The following ODAD1 variants were observed in gnomAD, a reference collection of about 807,000 sequenced individuals.
ODAD1 encodes outer dynein arm docking complex subunit 1, also known as outer dynein arm-docking complex subunit 1.
A neutral mutation model predicts 67.2 loss-of-function variants in ODAD1; 49 were observed. The observed-to-expected ratio is 0.73, with a 90% CI of 0.58 to 0.92. The LOEUF (loss-of-function observed/expected upper bound fraction) is 0.92. Among genes scored for constraint, ODAD1 ranks in the 40% least tolerant of loss-of-function variants. The pLI is 0.00. For missense variants in ODAD1, 897 were observed against 953.7 expected (o/e 0.94, Z 0.78); for synonymous variants, 345 against 393.7 (o/e 0.88, Z 1.46).
At chr19:48,320,024 G>C in intron 3 of ODAD1, 1 of 1,052,584 alleles carries the variant, frequency 9.5e-7, no homozygotes, top group Non-Finnish European at 1.2e-6. Flanking sequence ...CATCTCTGTA[G>C]AAACACCCTT....
chr19:48,317,884 A>G (rs1968940399), intron 5 of ODAD1, among the ~76,000 whole-genome samples: 1 of 152,040 alleles, frequency 6.6e-6, no homozygotes, highest in South Asian at 2.1e-4. Context: ...CATCTTGGCT[A>G]ACACAGTAAA....
At chr19:48,301,749 A>G (rs1968468143) in intron 12 of ODAD1, among the ~76,000 whole-genome samples, 1 of 148,882 alleles carries the variant, frequency 6.7e-6, no homozygotes, top group South Asian at 2.2e-4. Context: ...ATGGATGGAC[A>G]TGGGACAGTT....
rs1969001032 is a variant in ODAD1 at position 48,320,332 on chromosome 19, C to T, written c.37G>A (p.Glu13Lys). 1 of 1,289,162 alleles carries T rather than the reference C, an allele frequency of 7.8e-7. No individual in the cohort carries two copies. The highest frequency in any genetic ancestry group is 2.3e-5 in the Admixed American group (1 of 43,526). 79.9% of individuals were successfully genotyped at this position (1,289,162 alleles called of 1,614,324 possible). The change falls in exon 3 of 16, where the codon GAG becomes AAG. Residue 13 changes from glutamate to lysine, a missense_variant. Glu to Lys is a moderately conservative substitution (Grantham distance 56). Coordinates refer to ENST00000674294, the MANE Select transcript of ODAD1 (RefSeq NM_001364171.2). ...TCCAGAAATGCCTCGCTTCCCTCCT[C>T]GGAGCGGGCGCTCCCTGCCAAGCGT... is the stretch of plus-strand genomic sequence containing the variant. ...LGRLAGSARS[E>K]EGSEAFLEGM...
intron 5 of ODAD1, among the ~76,000 whole-genome samples, chr19:48,313,988 AT>A (rs1461683153): frequency 3.9e-5 from 6 of 152,346 alleles, no homozygotes; most frequent in Admixed American, 6.5e-5. Flanking sequence ...CACGCCTGTA[AT>A]CCCAACACTT....
chr19:48,321,324 C>G, intron 1 of ODAD1, among the ~76,000 whole-genome samples: 1 of 152,188 alleles, frequency 6.6e-6, no homozygotes, highest in Admixed American at 6.5e-5. Context: ...AGCGGTGCTG[C>G]GGAGCCCTGA....
rs542545761 is a variant in ODAD1, at chr19:48,311,895, G to A, written c.483+99C>T. On this transcript the variant is annotated intron_variant, in intron 6 of 15. Transcript: ENST00000674294. ...CAGAATCCTGTGTCCTGACACATATGTGCACACACTGCCCAGCATTTCCAG... is the reference window on the plus strand; with the variant it reads ...CAGAATCCTGTGTCCTGACACATATATGCACACACTGCCCAGCATTTCCAG... The A allele has an allele frequency of 1.8e-3, 2,070 of 1,156,950 alleles. 4 individuals carry two copies. The highest frequency in any genetic ancestry group is 2.3e-3 in the Non-Finnish European group (1,828 of 808,704). The allele number at this position is 1,156,950 out of a possible 1,614,324, so 71.7% of individuals were successfully genotyped here. A position where few individuals can be genotyped will look rare whatever the true frequency, so the allele number is the denominator to read the frequency against.
chr19:48,303,152 G>C, intron 10 of ODAD1, 57 bp from the exon 11 acceptor site: 1 of 1,296,176 alleles, frequency 7.7e-7, no homozygotes, highest in East Asian at 2.3e-5. Flanking sequence ...AACAGAGACA[G>C]AGAGAACAGA....
intron 8 of ODAD1, among the ~76,000 whole-genome samples, chr19:48,305,261 T>G (rs1968575705): frequency 6.6e-6 from 1 of 152,158 alleles, no homozygotes; most frequent in Non-Finnish European, 1.5e-5. Flanking sequence ...TAAAGCAGCT[T>G]CAGCTCCTCA....
At position 48,298,318 on chromosome 19, in the gene ODAD1, CT is replaced by C; in HGVS notation, c.1262del (p.Lys421ArgfsTer8). On this transcript the variant is annotated frameshift_variant, in exon 13 of 16. Coordinates refer to ENST00000674294, the MANE Select transcript of ODAD1 (RefSeq NM_001364171.2). LOFTEE classifies it high-confidence loss of function. ...CGATCATGCTGCTGTCGCAATGGGC[CT>C]TGGTGAAGAGGAGCTGGATATCTGC... ...LKADIQLLFT[K>X]AHCDSSMIDD... The C allele has an allele frequency of 6.2e-7, 1 of 1,614,148 alleles. No individual in the cohort carries two copies. The highest frequency in any genetic ancestry group is 2.2e-5 in the East Asian group (1 of 44,886).
chr19:48,297,052 C>T lies in ODAD1; in HGVS notation c.2048G>A (p.Arg683Lys). ...AGGGCCGGTGCTGGAGACGTGGTCTCTGCTGGACCCGAGGCCTCCGCTCGA... is the reference window on the plus strand; with the variant it reads ...AGGGCCGGTGCTGGAGACGTGGTCTTTGCTGGACCCGAGGCCTCCGCTCGA... ...SDSSGGLGSS[R>K]DHVSSTGPAS... Residue 683 changes from arginine (R) to lysine (K), a missense_variant, in exon 16 of 16, where the codon AGA (arginine) becomes AAA (lysine). Transcript: ENST00000674294. The T allele has an allele frequency of 6.2e-7, 1 of 1,612,760 alleles. No individual in the cohort carries two copies. Among genetic ancestry groups the T allele is most frequent in the South Asian group, 1.1e-5 (1 of 91,056 alleles).
chr19:48,314,841 TGAAGCAC>T (rs1968856916), intron 5 of ODAD1, among the ~76,000 whole-genome samples: 1 of 151,884 alleles, frequency 6.6e-6, no homozygotes. Flanking sequence ...CTCGGGTGGC[TGAAGCAC>T]GAGAATCACT....
chr19:48,313,938 T>C (rs249368), intron 5 of ODAD1, among the ~76,000 whole-genome samples: 56,977 of 151,774 alleles, frequency 0.38, 11,234 homozygotes, highest in African/African-American at 0.47. Context: ...ACAGGGAGAA[T>C]GCCACGTAAG....
At chr19:48,314,849 G>A (rs1176761384) in intron 5 of ODAD1, among the ~76,000 whole-genome samples, 1 of 151,942 alleles carries the variant, frequency 6.6e-6, no homozygotes, top group Non-Finnish European at 1.5e-5. Flanking sequence ...GCTGAAGCAC[G>A]AGAATCACTT....
chr19:48,306,177 C>A, intron 8 of ODAD1, 79 bp downstream of exon 8: 1 of 1,540,082 alleles, frequency 6.5e-7, no homozygotes, highest in African/African-American at 1.4e-5. Context: ...GAGTCCTGAA[C>A]CTTCCCATCA....
chr19:48,320,007 A>G, intron 3 of ODAD1: 2 of 1,032,302 alleles, frequency 1.9e-6, no homozygotes, highest in Middle Eastern at 4.8e-4. Context: ...CTCTAGCCAC[A>G]TTCTGTCATC....
chr19:48,303,457 G>T, intron 10 of ODAD1, 193 bp downstream of exon 10: 1 of 634,716 alleles, frequency 1.6e-6, no homozygotes. Flanking sequence ...GGAGTTAGGA[G>T]GGGGTGGGGA....
At position 48,318,702 on chromosome 19, in the gene ODAD1, G is replaced by A. The variant is rs554528909; in HGVS notation, c.170+11C>T. 1.3e-5 allele frequency: 20 copies of A among 1,542,914 alleles called. No homozygotes were observed. The highest frequency in any genetic ancestry group is 7.3e-5 in the East Asian group (3 of 40,848). On this transcript the variant is annotated intron_variant, in intron 4 of 15. Coordinates refer to ENST00000674294, the MANE Select transcript of ODAD1 (RefSeq NM_001364171.2). ...CTCCTCCCCAGCTCAGGGCCCAGGCGCCCAGCTCACAGTTGCTTGTTGATG... is the reference window on the plus strand; with the variant it reads ...CTCCTCCCCAGCTCAGGGCCCAGGCACCCAGCTCACAGTTGCTTGTTGATG...
At position 48,303,023 on chromosome 19, in the gene ODAD1, T is replaced by G. The variant is rs1968511225; in HGVS notation, c.1061A>C (p.Glu354Ala). Residue 354 changes from glutamate (E) to alanine (A), a missense_variant, in exon 11 of 16, where the codon GAG (glutamate) becomes GCG (alanine). By Grantham distance (107) the Glu-to-Ala change is moderately radical. Transcript: ENST00000674294. The part of the protein sequence containing the change: ...QNLELEHVQE[E>A]IKEMQEALVS... Reference sequence around the variant, plus strand: ...GCAGGCCTCACTCACCTCCTTGATCTCTTCCTGCACATGCTCCAGCTCCAA... The same window carrying G: ...GCAGGCCTCACTCACCTCCTTGATCGCTTCCTGCACATGCTCCAGCTCCAA... 3 of 1,613,800 alleles carry G rather than the reference T, an allele frequency of 1.9e-6. No individual in the cohort carries two copies. The highest frequency in any genetic ancestry group is 2.5e-6 in the Non-Finnish European group (3 of 1,179,886).
chr19:48,303,965 G>A lies in ODAD1; in HGVS notation c.841C>T (p.Arg281Cys), dbSNP rs773791686. Reference sequence around the variant, plus strand: ...GCCCCAGCCTCACCCTGCTTTTCACGCTTCTCCAGGACATCGGGATCCGGC... The same window carrying A: ...GCCCCAGCCTCACCCTGCTTTTCACACTTCTCCAGGACATCGGGATCCGGC... ...RQPDPDVLEK[R>C]EKQAGEVAEG... is the part of the protein sequence containing the mutation. The change falls in exon 9 of 16, where the codon CGT becomes TGT. Residue 281 changes from arginine (R) to cysteine (C), a missense_variant. By Grantham distance (180) the Arg-to-Cys change is radical. Transcript: ENST00000674294. 23 of 1,613,804 alleles carry A rather than the reference G, an allele frequency of 1.4e-5. No homozygotes were observed. Among genetic ancestry groups the A allele is most frequent in the African/African-American group, 2.7e-5 (2 of 74,940 alleles).
Sources: gnomAD v4.1 joint callset for allele counts (sites outside exome capture counted in the v4.1 genomes callset) on GRCh38, gnomAD v4.1.1 for gene constraint, MANE v1.5 for transcripts, NCBI Gene and HGNC (gene_info 2026-07-23, HGNC 2026-07-21) for gene names.